The following DACH2 variants were observed in gnomAD, a reference collection of about 807,000 sequenced individuals.
The protein encoded by DACH2 is dachshund homolog 2.
Under a neutral mutation model 35.8 loss-of-function variants are expected in DACH2, and 17 were observed. The ratio of observed to expected loss-of-function variants is 0.48; its 90% CI spans 0.33 to 0.71. DACH2 has a LOEUF of 0.71. DACH2 is among the 30% of genes least tolerant of loss of function. The pLI is 0.02. For missense variants in DACH2, 469 were observed against 472.7 expected (o/e 0.99, Z 0.07); for synonymous variants, 195 against 177.3 (o/e 1.10, Z -0.79).
chrX:86,358,431 CCACACACACACACACA>C (rs752012562), intron 1 of DACH2, among the ~76,000 whole-genome samples: 5,069 of 87,488 alleles, frequency 0.058, 381 homozygotes, highest in African/African-American at 0.2. Context: ...CCCAGCCCCG[CCACACACACACACACA>C]CACACACACA....
At chrX:86,502,847 C>A (rs769057799) in intron 2 of DACH2, among the ~76,000 whole-genome samples, 1 of 112,011 alleles carries the variant, frequency 8.9e-6, no homozygotes, top group Admixed American at 9.5e-5. Flanking sequence ...TGTACACTTT[C>A]TTAAAACATT....
intron 2 of DACH2, among the ~76,000 whole-genome samples, chrX:86,432,064 A>C (rs955374423): frequency 2.7e-5 from 3 of 112,126 alleles, no homozygotes; most frequent in Non-Finnish European, 3.8e-5. Flanking sequence ...TTTTAATAAA[A>C]AAGAAATCTA....
chrX:86,495,450 G>A (rs182316640), intron 2 of DACH2, among the ~76,000 whole-genome samples: 2 of 108,972 alleles, frequency 1.8e-5, no homozygotes, highest in African/African-American at 3.3e-5. Flanking sequence ...GTGCTCAATA[G>A]CCACATGAGG....
At chrX:86,396,136 C>G (rs1194460836) in intron 2 of DACH2, among the ~76,000 whole-genome samples, 1 of 112,097 alleles carries the variant, frequency 8.9e-6, no homozygotes, top group Admixed American at 9.4e-5. Context: ...CTCCGATGGC[C>G]AGTGATGATG....
intron 1 of DACH2, among the ~76,000 whole-genome samples, chrX:86,336,274 G>A: frequency 8.9e-6 from 1 of 112,186 alleles, no homozygotes; most frequent in Non-Finnish European, 1.9e-5. Context: ...AAATGATTTA[G>A]GGAGGATTCC....
chrX:86,571,271 A>G (rs375021625), intron 3 of DACH2, among the ~76,000 whole-genome samples: 6 of 110,835 alleles, frequency 5.4e-5, no homozygotes, highest in Middle Eastern at 4.7e-3. Flanking sequence ...TGGACCCTCT[A>G]TTAGGTCCCA....
chrX:86,771,196 A>G (rs2041985393), intron 7 of DACH2, among the ~76,000 whole-genome samples: 1 of 112,450 alleles, frequency 8.9e-6, no homozygotes. Context: ...CACTGCATTT[A>G]TTTTCTGAGT....
rs772740144 is a variant in DACH2 at position 86,312,647 on chromosome X, T to A, written c.489-64177T>A. 1.9e-3 allele frequency among the ~76,000 whole-genome samples: 212 copies of A among 111,432 alleles called. 1 individual carries two copies. The highest frequency in any genetic ancestry group is 6.7e-3 in the African/African-American group (205 of 30,675). On this transcript the variant is annotated intron_variant, in intron 1 of 11. Coordinates refer to ENST00000373125, the MANE Select transcript of DACH2 (RefSeq NM_053281.3). ...AGTGAATATAAAGCAGGCAGAAAAATGTGAAAGGCATGACTGGCCTAGCCT... is the reference window on the plus strand; with the variant it reads ...AGTGAATATAAAGCAGGCAGAAAAAAGTGAAAGGCATGACTGGCCTAGCCT...
intron 3 of DACH2, among the ~76,000 whole-genome samples, chrX:86,607,935 T>C (rs1273775538): frequency 1.9e-5 from 2 of 106,592 alleles, no homozygotes; most frequent in African/African-American, 3.4e-5. Flanking sequence ...CATCATTTTT[T>C]ATGGCTGCAT....
intron 1 of DACH2, among the ~76,000 whole-genome samples, chrX:86,172,772 C>G (rs1400977828): frequency 9.0e-6 from 1 of 111,600 alleles, no homozygotes; most frequent in African/African-American, 3.3e-5. Flanking sequence ...AAGCACTACA[C>G]AGGAATTTCA....
intron 1 of DACH2, among the ~76,000 whole-genome samples, chrX:86,291,587 G>C (rs2034296201): frequency 9.2e-6 from 1 of 108,853 alleles, no homozygotes; most frequent in Admixed American, 9.9e-5. Context: ...TTATTATTTT[G>C]AGATACATCC....
chrX:86,725,952 G>C (rs929078281), intron 6 of DACH2, among the ~76,000 whole-genome samples: 2 of 111,364 alleles, frequency 1.8e-5, no homozygotes, highest in African/African-American at 6.5e-5. Flanking sequence ...GAAACTTCCT[G>C]GGTCCTGCAT....
chrX:86,667,000 C>G (rs1432306671), intron 4 of DACH2, among the ~76,000 whole-genome samples: 2 of 103,151 alleles, frequency 1.9e-5, no homozygotes, highest in African/African-American at 3.6e-5. Flanking sequence ...AATCCCAGCA[C>G]TTTGGGAGGC....
At chrX:86,584,181 G>T (rs145655913) in intron 3 of DACH2, among the ~76,000 whole-genome samples, 9,727 of 110,822 alleles carry the variant, frequency 0.088, 1,060 homozygotes, top group African/African-American at 0.3. Flanking sequence ...GGCTGTCTCT[G>T]TGCAATCTAT....
chrX:86,757,092 G>T (rs992407626), intron 7 of DACH2, among the ~76,000 whole-genome samples: 2 of 110,785 alleles, frequency 1.8e-5, no homozygotes, highest in Non-Finnish European at 3.8e-5. Context: ...TGTATTTTTT[G>T]ATTTTCTGTT....
At chrX:86,405,474 C>A (rs2036512410) in intron 2 of DACH2, among the ~76,000 whole-genome samples, 1 of 111,671 alleles carries the variant, frequency 9.0e-6, no homozygotes, top group Admixed American at 9.5e-5. Flanking sequence ...TCATCTCCAT[C>A]TGAGACCAAC....
At chrX:86,601,706 A>G (rs1290074221) in intron 3 of DACH2, among the ~76,000 whole-genome samples, 1 of 112,561 alleles carries the variant, frequency 8.9e-6, no homozygotes, top group Non-Finnish European at 1.9e-5. Context: ...CTCATTCATT[A>G]TAACCATTTG....
chrX:86,775,870 T>C (rs899459846), intron 7 of DACH2, among the ~76,000 whole-genome samples: 2 of 111,866 alleles, frequency 1.8e-5, no homozygotes, highest in Admixed American at 9.5e-5. Context: ...TTTACAATTA[T>C]TAACTCATTT....
intron 1 of DACH2, among the ~76,000 whole-genome samples, chrX:86,194,212 G>T (rs2031912972): frequency 9.0e-6 from 1 of 111,526 alleles, no homozygotes; most frequent in South Asian, 3.7e-4. Flanking sequence ...TGGGGAACTT[G>T]GTCAAAAATA....
Sources: allele counts gnomAD v4.1 joint callset (sites outside exome capture counted in the v4.1 genomes callset), GRCh38; gene constraint gnomAD v4.1.1; transcripts MANE v1.5; gene names NCBI Gene and HGNC (gene_info 2026-07-23, HGNC 2026-07-21).